Variants in MAP3K13 observed in about 807,000 individuals in gnomAD.
MAP3K13 encodes mitogen-activated protein kinase kinase kinase 13.
A neutral mutation model predicts 104.0 loss-of-function variants in MAP3K13; 52 were observed. The observed-to-expected ratio is 0.50, with a 90% CI of 0.40 to 0.63. The LOEUF (loss-of-function observed/expected upper bound fraction) is 0.63. Among genes scored for constraint, MAP3K13 ranks in the 20% least tolerant of loss-of-function variants. MAP3K13 has a pLI of 0.00. For synonymous variants in MAP3K13, 394 were observed against 442.2 expected (o/e 0.89, Z 1.37); for missense variants, 914 against 1,218.5 (o/e 0.75, Z 3.72).
At chr3:185,439,661 G>A (rs147163792) in intron 3 of MAP3K13, among the ~76,000 whole-genome samples, 226 of 152,222 alleles carry the variant, frequency 1.5e-3, no homozygotes, top group Middle Eastern at 6.8e-3. Context: ...AGGGTACCCG[G>A]GGTCACTGAA....
intron 2 of MAP3K13, among the ~76,000 whole-genome samples, chr3:185,299,141 C>T (rs541013664): frequency 1.6e-4 from 25 of 152,304 alleles, no homozygotes; most frequent in African/African-American, 6.0e-4. Flanking sequence ...AGTCATGATG[C>T]TTCTTGAGCT....
intron 1 of MAP3K13, among the ~76,000 whole-genome samples, chr3:185,410,934 A>G (rs557544377): frequency 1.5e-5 from 2 of 135,670 alleles, no homozygotes; most frequent in East Asian, 2.1e-4. Context: ...GACTCTGTCT[A>G]AAAAAAAAAA....
Position 185,356,556 on chromosome 3 carries a change from A to G in MAP3K13, c.-86+70913A>G, listed in dbSNP as rs73887870. ...TTTCCTCTGCCCGATATATGGATGGAGACGACAGCCCTCTGCCTACTTGTC... is the reference window on the plus strand; with the variant it reads ...TTTCCTCTGCCCGATATATGGATGGGGACGACAGCCCTCTGCCTACTTGTC... On this transcript the variant is annotated intron_variant, in intron 2 of 14. Transcript: ENST00000424227. Among the ~76,000 whole-genome samples the G allele has an allele frequency of 3.8e-3, 582 of 152,256 alleles. 1 individual carries two copies. Among genetic ancestry groups the G allele is most frequent in the African/African-American group, 0.013 (561 of 41,556 alleles).
intron 12 of MAP3K13, among the ~76,000 whole-genome samples, chr3:185,477,635 T>G (rs1254964392): frequency 6.6e-6 from 1 of 152,210 alleles, no homozygotes; most frequent in Non-Finnish European, 1.5e-5. Flanking sequence ...TGAATACAGA[T>G]TCAAGGTTAC....
At chr3:185,362,050 G>A (rs762235349), upstream of MAP3K13, among the ~76,000 whole-genome samples, 11 of 152,188 alleles carry the variant, frequency 7.2e-5, no homozygotes, top group Admixed American at 2.6e-4. Context: ...TTCTCTCACA[G>A]TTGTATAAAT....
chr3:185,370,634 G>A (rs1419157372), intron 1 of MAP3K13, among the ~76,000 whole-genome samples: 4 of 150,926 alleles, frequency 2.7e-5, no homozygotes, highest in South Asian at 2.1e-4. Flanking sequence ...ATTTGCCCAC[G>A]CACTTTCCTT....
At chr3:185,297,308 T>C (rs948019759) in intron 2 of MAP3K13, among the ~76,000 whole-genome samples, 1 of 152,234 alleles carries the variant, frequency 6.6e-6, no homozygotes, top group Non-Finnish European at 1.5e-5. Context: ...AGTAATTGGA[T>C]ATTTTTGAAA....
intron 2 of MAP3K13, among the ~76,000 whole-genome samples, chr3:185,307,523 A>G (rs1186115114): frequency 1.4e-5 from 2 of 141,986 alleles, no homozygotes; most frequent in Non-Finnish European, 3.0e-5. Flanking sequence ...CAGCTCTATA[A>G]TTTCCATTTG....
At chr3:185,316,399 GGA>G (rs1303058917) in intron 2 of MAP3K13, among the ~76,000 whole-genome samples, 6 of 152,156 alleles carry the variant, frequency 3.9e-5, no homozygotes, top group Admixed American at 3.9e-4. Context: ...CCAACACTTT[GGA>G]AGGCTGAGGT....
Position 185,418,426 on chromosome 3 carries a change from G to T in MAP3K13, c.-85-10071G>T. 1.4e-5 allele frequency: 23 copies of T among 1,609,012 alleles called. No individual in the cohort carries two copies. The highest frequency in any genetic ancestry group is 1.8e-5 in the Non-Finnish European group (21 of 1,177,100). On this transcript the variant is annotated intron_variant, in intron 1 of 13. Transcript: ENST00000265026. The surrounding 1 kb of genome is among the most constrained non-coding windows in gnomAD (Gnocchi z 4.5). ...AGAACAGATGGCATATCGTTTTTGGGTTGTGTTCACTCTACGATGCCAACG... is the reference window on the plus strand; with the variant it reads ...AGAACAGATGGCATATCGTTTTTGGTTTGTGTTCACTCTACGATGCCAACG...
At chr3:185,437,712 A>G in intron 3 of MAP3K13, 82 bp downstream of exon 3, 1 of 1,347,192 alleles carries the variant, frequency 7.4e-7, no homozygotes, top group Non-Finnish European at 1.0e-6. Flanking sequence ...GCTTTGAGAG[A>G]TATTTCAAAA....
chr3:185,389,569 T>G (rs1340588511), intron 1 of MAP3K13, among the ~76,000 whole-genome samples: 1 of 151,394 alleles, frequency 6.6e-6, no homozygotes, highest in African/African-American at 2.4e-5. Flanking sequence ...TAAAAAAAGA[T>G]AGAAAAGAAA....
chr3:185,353,754 A>G (rs958398143), intron 2 of MAP3K13, among the ~76,000 whole-genome samples: 1 of 152,180 alleles, frequency 6.6e-6, no homozygotes, highest in African/African-American at 2.4e-5. Flanking sequence ...TTAGAATGAA[A>G]AGTACTAATG....
At chr3:185,458,415 C>T (rs568505697) in intron 7 of MAP3K13, among the ~76,000 whole-genome samples, 4 of 150,384 alleles carry the variant, frequency 2.7e-5, no homozygotes, top group South Asian at 2.1e-4. Context: ...TCTTGAGTTG[C>T]GTACGATAGC....
intron 7 of MAP3K13, among the ~76,000 whole-genome samples, chr3:185,462,449 CCAAA>C (rs1360086855): frequency 2.0e-5 from 3 of 152,138 alleles, no homozygotes; most frequent in South Asian, 2.1e-4. Context: ...CCTATATTGA[CCAAA>C]CATTCAATTC....
intron 1 of MAP3K13, among the ~76,000 whole-genome samples, chr3:185,284,507 G>C (rs928611193): frequency 6.6e-6 from 1 of 152,136 alleles, no homozygotes; most frequent in African/African-American, 2.4e-5. Flanking sequence ...CTTGAGGTCA[G>C]GAGTTCGAGA....
intron 2 of MAP3K13, among the ~76,000 whole-genome samples, chr3:185,331,464 G>A (rs1381400956): frequency 2.0e-5 from 3 of 151,744 alleles, no homozygotes; most frequent in Non-Finnish European, 4.4e-5. Context: ...AAAAATGTGT[G>A]TACATATATG....
At chr3:185,302,179 G>A (rs1279568310) in intron 2 of MAP3K13, among the ~76,000 whole-genome samples, 1 of 149,126 alleles carries the variant, frequency 6.7e-6, no homozygotes, top group Non-Finnish European at 1.5e-5. Context: ...AAGGCGGGTG[G>A]ATTACTTGAG....
At chr3:185,337,530 G>T (rs1190735841) in intron 2 of MAP3K13, among the ~76,000 whole-genome samples, 3 of 152,172 alleles carry the variant, frequency 2.0e-5, no homozygotes, top group Non-Finnish European at 4.4e-5. Context: ...ATAATGAAAA[G>T]AATTTCACAT....
Sources: gnomAD v4.1 joint callset for allele counts (sites outside exome capture counted in the v4.1 genomes callset) on GRCh38, gnomAD v4.1.1 for gene constraint, Gnocchi (gnomAD v3.1) non-coding constraint, MANE v1.5 for transcripts, NCBI Gene and HGNC (gene_info 2026-07-23, HGNC 2026-07-21) for gene names.